The following GPC6 variants were observed in gnomAD, a reference collection of about 807,000 sequenced individuals.
GPC6 encodes glypican 6.
Under a neutral mutation model 55.2 loss-of-function variants are expected in GPC6, and 14 were observed. That is an observed-to-expected ratio of 0.25 (90% CI 0.17 to 0.40). The LOEUF (loss-of-function observed/expected upper bound fraction) is 0.40, where lower values mean the gene tolerates loss of function less well. GPC6 is among the 10% of genes least tolerant of loss of function. The probability of loss-of-function intolerance (pLI) is 1.00; values close to 1 mark genes in which losing one functional copy is unlikely to be tolerated. For missense variants in GPC6, 641 were observed against 708.5 expected (o/e 0.90, Z 1.08); for synonymous variants, 278 against 259.6 (o/e 1.07, Z -0.68).
intron 7 of GPC6, among the ~76,000 whole-genome samples, chr13:94,396,603 G>T (rs200780375): frequency 6.6e-6 from 1 of 152,242 alleles, no homozygotes; most frequent in Non-Finnish European, 1.5e-5. Flanking sequence ...ATCTTGAGGA[G>T]AAAGTGAGGA....
chr13:94,108,837 C>T (rs1474656385), intron 4 of GPC6, among the ~76,000 whole-genome samples: 14 of 145,220 alleles, frequency 9.6e-5, no homozygotes, highest in African/African-American at 2.8e-4. Context: ...AGCGAGACTC[C>T]GTCTCAAAAA....
intron 1 of GPC6, among the ~76,000 whole-genome samples, chr13:93,354,382 G>A (rs1159836474): frequency 1.6e-5 from 2 of 123,004 alleles, no homozygotes; most frequent in East Asian, 2.5e-4. Context: ...ACAGAGTCTC[G>A]CTGTATTGCC....
intron 4 of GPC6, among the ~76,000 whole-genome samples, chr13:94,113,877 C>A (rs1886334293): frequency 6.6e-6 from 1 of 151,476 alleles, no homozygotes; most frequent in South Asian, 2.1e-4. Flanking sequence ...CAAAAAGTAG[C>A]CAGATGTGGT....
rs192931162 is a variant in GPC6 at position 93,654,633 on chromosome 13, A to G, written c.319+109212A>G. Among the ~76,000 whole-genome samples the G allele has an allele frequency of 3.0e-3, 455 of 152,262 alleles. 2 individuals carry two copies. Among genetic ancestry groups the G allele is most frequent in the Non-Finnish European group, 5.5e-3 (375 of 68,028 alleles). ...GTGATTAAGTAATTATTTTTATAGA[A>G]ATAGAAGAAAGTCTATGATTTCTGT... is the stretch of plus-strand genomic sequence containing the variant. On this transcript the variant is annotated intron_variant, in intron 2 of 8. Coordinates refer to ENST00000377047, the MANE Select transcript of GPC6 (RefSeq NM_005708.5).
chr13:94,301,680 C>A (rs760183684), intron 5 of GPC6, among the ~76,000 whole-genome samples: 4 of 152,102 alleles, frequency 2.6e-5, no homozygotes, highest in Non-Finnish European at 4.4e-5. Flanking sequence ...TCAGAGAGGA[C>A]CCTGTAAATG....
At chr13:93,318,305 T>C (rs1213616032) in intron 1 of GPC6, among the ~76,000 whole-genome samples, 1 of 151,862 alleles carries the variant, frequency 6.6e-6, no homozygotes, top group Non-Finnish European at 1.5e-5. Context: ...TTGATACTAA[T>C]GGACCAAGAA....
intron 1 of GPC6, among the ~76,000 whole-genome samples, chr13:93,517,894 C>A (rs1881260755): frequency 1.3e-5 from 2 of 151,930 alleles, no homozygotes; most frequent in South Asian, 2.1e-4. Context: ...TGCTTAAAAT[C>A]AGTGGCTATT....
At chr13:93,640,923 C>T (rs9589806) in intron 2 of GPC6, among the ~76,000 whole-genome samples, 1,544 of 149,468 alleles carry the variant, frequency 0.01, 29 homozygotes, top group African/African-American at 0.036. Context: ...TTTCTCTTTC[C>T]GTTTTCCTCT....
At chr13:93,340,497 A>G (rs1394764839) in intron 1 of GPC6, among the ~76,000 whole-genome samples, 2 of 152,244 alleles carry the variant, frequency 1.3e-5, no homozygotes, top group Non-Finnish European at 2.9e-5. Flanking sequence ...TTGGATAATC[A>G]TAAGTGAAAT....
intron 2 of GPC6, among the ~76,000 whole-genome samples, chr13:93,736,876 G>A (rs907996055): frequency 1.3e-5 from 2 of 152,090 alleles, no homozygotes; most frequent in African/African-American, 4.8e-5. Flanking sequence ...TGATACTATT[G>A]AGTCCAATAG....
intron 1 of GPC6, among the ~76,000 whole-genome samples, chr13:93,399,083 C>CAT (rs1555296853): frequency 6.6e-6 from 1 of 151,458 alleles, no homozygotes; most frequent in Admixed American, 6.6e-5. Flanking sequence ...CACACACACA[C>CAT]GTGCACACAA....
At chr13:93,947,183 G>A (rs545607294) in intron 3 of GPC6, among the ~76,000 whole-genome samples, 2 of 152,172 alleles carry the variant, frequency 1.3e-5, no homozygotes, top group South Asian at 2.1e-4. Context: ...GAAGCATGCC[G>A]TTAAGTGCAG....
At chr13:93,418,695 G>T (rs115991792) in intron 1 of GPC6, among the ~76,000 whole-genome samples, 1 of 150,120 alleles carries the variant, frequency 6.7e-6, no homozygotes, top group Non-Finnish European at 1.5e-5. Flanking sequence ...GTGCTATACC[G>T]TAGTGTCATT....
intron 3 of GPC6, among the ~76,000 whole-genome samples, chr13:93,907,662 C>A (rs573898831): frequency 9.2e-5 from 14 of 152,232 alleles, no homozygotes; most frequent in Admixed American, 6.5e-4. Context: ...GGATACCCAG[C>A]CAGACAGAGG....
At chr13:93,925,558 T>C (rs916066705) in intron 3 of GPC6, among the ~76,000 whole-genome samples, 1 of 152,192 alleles carries the variant, frequency 6.6e-6, no homozygotes, top group African/African-American at 2.4e-5. Flanking sequence ...AATTGTAGCA[T>C]AAGTCCACAT....
At chr13:94,303,859 G>A (rs1875800107) in intron 5 of GPC6, among the ~76,000 whole-genome samples, 1 of 151,366 alleles carries the variant, frequency 6.6e-6, no homozygotes, top group Non-Finnish European at 1.5e-5. Context: ...CAGGGCATTC[G>A]TGTTTCTTTG....
chr13:93,501,286 A>G (rs933568453), intron 1 of GPC6, among the ~76,000 whole-genome samples: 5 of 152,078 alleles, frequency 3.3e-5, no homozygotes, highest in Admixed American at 2.6e-4. Context: ...CTAAAGAGAA[A>G]TAGCACTCTG....
At chr13:93,491,542 AT>A in intron 1 of GPC6, among the ~76,000 whole-genome samples, 1 of 126,978 alleles carries the variant, frequency 7.9e-6, no homozygotes, top group Admixed American at 8.1e-5. Flanking sequence ...CCATTTGTCA[AT>A]TTTGGCTTTT....
At chr13:94,367,569 C>A (rs1879338241) in intron 6 of GPC6, among the ~76,000 whole-genome samples, 1 of 152,114 alleles carries the variant, frequency 6.6e-6, no homozygotes, top group Non-Finnish European at 1.5e-5. Flanking sequence ...ACATTTATCC[C>A]AATTTGAGGA....
Sources: gnomAD v4.1 joint callset for allele counts (sites outside exome capture counted in the v4.1 genomes callset) on GRCh38, gnomAD v4.1.1 for gene constraint, MANE v1.5 for transcripts, NCBI Gene and HGNC (gene_info 2026-07-23, HGNC 2026-07-21) for gene names.